The following LRRC8B variants were observed in gnomAD, a reference collection of about 807,000 sequenced individuals.
LRRC8B encodes volume-regulated anion channel subunit LRRC8B.
LRRC8B carries 23 observed loss-of-function variants against 58.8 expected under a neutral mutation model. That is an observed-to-expected ratio of 0.39 (90% confidence interval 0.28 to 0.55). The LOEUF is 0.55. Ranked by LOEUF, LRRC8B falls within the 20% of genes least tolerant of loss-of-function variation. The probability of loss-of-function intolerance (pLI) is 0.62; values close to 1 mark genes in which losing one functional copy is unlikely to be tolerated. For synonymous variants in LRRC8B, 359 were observed against 374.1 expected (o/e 0.96, Z 0.47); for missense variants, 694 against 936.0 (o/e 0.74, Z 3.37).
At chr1:89,556,177 C>T (rs1355230828) in intron 1 of LRRC8B, among the ~76,000 whole-genome samples, 1 of 152,086 alleles carries the variant, frequency 6.6e-6, no homozygotes, top group African/African-American at 2.4e-5. Context: ...ATGAAATTTT[C>T]ATAAAAACCC....
intron 1 of LRRC8B, among the ~76,000 whole-genome samples, chr1:89,536,825 T>C (rs1335663378): frequency 6.6e-6 from 1 of 152,126 alleles, no homozygotes; most frequent in African/African-American, 2.4e-5. Flanking sequence ...CTGATTCGAG[T>C]CATGGTATTC....
chr1:89,594,473 G>T lies in LRRC8B; in HGVS notation c.*1430G>T, dbSNP rs1356378025. ...GAGGTACAGATTTGGTTTTTAAATT[G>T]ATTTTAAAATACTTTATAGAAATTT... On this transcript the variant is annotated 3_prime_UTR_variant, in exon 6 of 6. Coordinates refer to ENST00000330947, the MANE Select transcript of LRRC8B (RefSeq NM_001369817.2). 2 of 152,040 alleles carry T rather than the reference G, an allele frequency of 1.3e-5. No homozygotes were observed. The highest frequency in any genetic ancestry group is 2.9e-5 in the Non-Finnish European group (2 of 67,976). The allele number at this position is 152,040 out of a possible 1,614,324, so 9.4% of individuals were successfully genotyped here.
Position 89,584,717 on chromosome 1 carries a change from C to G in LRRC8B, c.2067C>G (p.Asn689Lys). Residue 689 changes from asparagine (N) to lysine (K), a missense_variant, in exon 5 of 6, where the codon AAC (asparagine) becomes AAG (lysine). Physicochemically the swap from Asn to Lys is moderately conservative, Grantham distance 94. Around this residue, in one of 5 missense-constraint regions of LRRC8B, gnomAD observed 139 missense variants for 158.2 expected, o/e 0.88. Coordinates refer to ENST00000330947, the MANE Select transcript of LRRC8B (RefSeq NM_001369817.2). ...TACATTATTTGGATCTAAGCTATAA[C>G]CACTTGACCTTCATTCCAGAAGAAA... is the stretch of plus-strand genomic sequence containing the variant. ...TKLHYLDLSYNHLTFIPEEIQ... is the reference protein window; with the variant it reads ...TKLHYLDLSYKHLTFIPEEIQ... The G allele has an allele frequency of 6.2e-7, 1 of 1,613,442 alleles. No homozygotes were observed. Among genetic ancestry groups the G allele is most frequent in the Non-Finnish European group, 8.5e-7 (1 of 1,179,824 alleles).
chr1:89,528,834 A>AGGAGG (rs1373705437), intron 1 of LRRC8B, among the ~76,000 whole-genome samples: 1 of 152,240 alleles, frequency 6.6e-6, no homozygotes, highest in Non-Finnish European at 1.5e-5. Flanking sequence ...GGAAAAAGGA[A>AGGAGG]GGAGGGGAAA....
intron 1 of LRRC8B, among the ~76,000 whole-genome samples, chr1:89,541,639 A>T (rs995071743): frequency 2.3e-5 from 3 of 131,936 alleles, no homozygotes; most frequent in African/African-American, 8.4e-5. Flanking sequence ...TGAACCCGGG[A>T]GGCGGAGCTT....
intron 1 of LRRC8B, among the ~76,000 whole-genome samples, chr1:89,534,849 T>C (rs1252612972): frequency 6.6e-6 from 1 of 152,134 alleles, no homozygotes; most frequent in Non-Finnish European, 1.5e-5. Flanking sequence ...GATTAGGTCT[T>C]CCTCCAGTGT....
At chr1:89,588,660 G>C (rs1259662847) in intron 5 of LRRC8B, among the ~76,000 whole-genome samples, 1 of 152,216 alleles carries the variant, frequency 6.6e-6, no homozygotes, top group Non-Finnish European at 1.5e-5. Context: ...GCCTGAACTG[G>C]TACCTTCAAA....
chr1:89,561,037 C>T (rs1652607233), intron 1 of LRRC8B, among the ~76,000 whole-genome samples: 1 of 149,666 alleles, frequency 6.7e-6, no homozygotes, highest in Non-Finnish European at 1.5e-5. Flanking sequence ...TCCACATCCT[C>T]TCCAGCACCT....
chr1:89,562,905 A>G (rs534613817), intron 1 of LRRC8B, among the ~76,000 whole-genome samples: 4 of 152,170 alleles, frequency 2.6e-5, no homozygotes, highest in African/African-American at 4.8e-5. Flanking sequence ...TAGCATGTCA[A>G]CCTTAAGTAT....
rs35903285 is a variant in LRRC8B, at chr1:89,583,529, G to A, written c.879G>A (p.Val293=). ...TTGAAATCGACTGTTCAGTTGATGT[G>A]CAGGCTTTTACAGGATATAAGCGCT... ...ITLEIDCSVD[V]QAFTGYKRYQ... Residue 293 remains valine, a synonymous_variant, in exon 5 of 6, where the codon GTG becomes GTA. Transcript: ENST00000330947. The surrounding 1 kb of genome is among the most constrained non-coding windows in gnomAD (Gnocchi z 5.2). 4.1e-3 allele frequency: 6,537 copies of A among 1,612,836 alleles called. 222 individuals carry two copies. The African/African-American group carries it at 0.077, about 19-fold the overall frequency.
At chr1:89,525,964 A>G (rs377085733) in intron 1 of LRRC8B, among the ~76,000 whole-genome samples, 1 of 152,252 alleles carries the variant, frequency 6.6e-6, no homozygotes, top group Non-Finnish European at 1.5e-5. Flanking sequence ...TTCAGCGTAT[A>G]TTAAGAAGAC....
In LRRC8B at chr1:89,582,803, G is replaced by T; in HGVS notation, c.153G>T (p.Arg51Ser). The T allele has an allele frequency of 6.2e-7, 1 of 1,614,104 alleles. No homozygotes were observed. Among genetic ancestry groups the T allele is most frequent in the South Asian group, 1.1e-5 (1 of 91,078 alleles). The change falls in exon 5 of 6, where the codon AGG (arginine) becomes AGT (serine). Residue 51 changes from arginine to serine, a missense_variant. Physicochemically the swap from Arg to Ser is moderately radical, Grantham distance 110. Transcript: ENST00000330947. The part of the protein sequence containing the change: ...LAGALQLTQS[R>S]VLCCLPCKVE... ...GAGCTCTCCAGCTGACGCAGAGCAG[G>T]GTTCTGTGCTGTCTTCCATGCAAAG...
intron 1 of LRRC8B, among the ~76,000 whole-genome samples, chr1:89,559,527 G>A (rs1267316998): frequency 2.6e-5 from 4 of 150,982 alleles, no homozygotes; most frequent in Non-Finnish European, 5.9e-5. Flanking sequence ...CCAGCTACTC[G>A]GGAGGCTAAG....
intron 3 of LRRC8B, among the ~76,000 whole-genome samples, chr1:89,578,953 TAAC>T (rs1028124446): frequency 2.6e-5 from 4 of 152,220 alleles, no homozygotes; most frequent in Non-Finnish European, 5.9e-5. Context: ...TGTTTAATAA[TAAC>T]ATAATTTCAA....
At position 89,584,246 on chromosome 1, in the gene LRRC8B, G is replaced by A. The variant is rs1165644920; in HGVS notation, c.1596G>A (p.Glu532=). 3 of 1,612,700 alleles carry A rather than the reference G, an allele frequency of 1.9e-6. No homozygotes were observed. The African/African-American group carries it at 4.0e-5, about 22-fold the overall frequency. The stretch of plus-strand genomic sequence containing the variant: ...AACAGTTGAGTACTATGCAGTTGGA[G>A]GGCTTTCAGGACTTAAAAAATCTAA... ...LPEQLSTMQL[E]GFQDLKNLRT... is the part of the protein sequence containing the mutation. The change falls in exon 5 of 6, where the codon GAG becomes GAA. Residue 532 remains glutamate (E), a synonymous_variant. Transcript: ENST00000330947.
chr1:89,564,559 CT>C, intron 1 of LRRC8B, among the ~76,000 whole-genome samples: 1 of 152,278 alleles, frequency 6.6e-6, no homozygotes, highest in East Asian at 1.9e-4. Context: ...ATAATATCTA[CT>C]TCACCAGGTA....
chr1:89,591,503 T>C (rs115668424), intron 5 of LRRC8B, among the ~76,000 whole-genome samples: 3,696 of 152,256 alleles, frequency 0.024, 146 homozygotes, highest in African/African-American at 0.084. Context: ...TGGTGTACAA[T>C]GATGATCTAT....
rs773100950 is a variant in LRRC8B at position 89,582,947 on chromosome 1, A to C, written c.297A>C (p.Arg99=). Residue 99 remains arginine, a synonymous_variant, in exon 5 of 6, where the codon CGA becomes CGC. Transcript: ENST00000330947. Reference sequence around the variant, plus strand: ...TCCGAATTCAGAATGACCTCCACCGACAGCAGTACTCCTATATTGATGCCG... The same window carrying C: ...TCCGAATTCAGAATGACCTCCACCGCCAGCAGTACTCCTATATTGATGCCG... ...LPLRIQNDLH[R]QQYSYIDAVC... 9.3e-6 allele frequency: 15 copies of C among 1,614,064 alleles called. No homozygotes were observed. In the Admixed American group the frequency reaches 2.5e-4, roughly 27 times the overall value.
At chr1:89,574,991 C>T (rs1322023631) in intron 3 of LRRC8B, among the ~76,000 whole-genome samples, 1 of 152,186 alleles carries the variant, frequency 6.6e-6, no homozygotes, top group East Asian at 1.9e-4. Flanking sequence ...GGGTCTTGTC[C>T]CACAGCATTC....
Sources: allele counts gnomAD v4.1 joint callset (sites outside exome capture counted in the v4.1 genomes callset), GRCh38; gene constraint gnomAD v4.1.1; regional missense constraint gnomAD v4.1.1; non-coding constraint Gnocchi (gnomAD v3.1); transcripts MANE v1.5; gene names NCBI Gene and HGNC (gene_info 2026-07-23, HGNC 2026-07-21).